Variants in NUP155 observed in about 807,000 individuals in gnomAD.
The protein encoded by NUP155 is nuclear pore complex protein Nup155.
Under a neutral mutation model 180.4 loss-of-function variants are expected in NUP155, and 71 were observed. The ratio of observed to expected loss-of-function variants is 0.39; its 90% CI spans 0.33 to 0.48. The LOEUF (loss-of-function observed/expected upper bound fraction) is 0.48. Ranked by LOEUF, NUP155 falls within the 20% of genes least tolerant of loss-of-function variation. The pLI is 0.91. For missense variants in NUP155, 1,553 were observed against 1,648.9 expected, an observed-to-expected ratio of 0.94 and a Z score of 1.01; for synonymous variants, 582 against 559.5, an observed-to-expected ratio of 1.04 and a Z score of -0.57.
intron 20 of NUP155, among the ~76,000 whole-genome samples, chr5:37,320,650 G>A (rs1164201222): frequency 6.6e-6 from 1 of 152,084 alleles, no homozygotes; most frequent in African/African-American, 2.4e-5. Flanking sequence ...GCTAAAAACT[G>A]TAAAGATAAA....
rs1470317788 is a variant in NUP155 at position 37,295,283 on chromosome 5, G to A, written c.3794-818C>T. Among the ~76,000 whole-genome samples the A allele has an allele frequency of 3.3e-5, 5 of 152,170 alleles. No homozygotes were observed. In the South Asian group the frequency reaches 6.2e-4, roughly 19 times the overall value. ...GGGCTGGTCTCCAGCTCCTAACCGCGAGTGATCCGCCAGCCTCGGCCTCCA... is the reference window on the plus strand; with the variant it reads ...GGGCTGGTCTCCAGCTCCTAACCGCAAGTGATCCGCCAGCCTCGGCCTCCA... On this transcript the variant is annotated intron_variant, in intron 32 of 34. Coordinates refer to ENST00000231498, the MANE Select transcript of NUP155 (RefSeq NM_153485.3).
chr5:37,350,710 G>C (rs1746397923), intron 6 of NUP155, among the ~76,000 whole-genome samples: 2 of 151,806 alleles, frequency 1.3e-5, no homozygotes, highest in Admixed American at 1.3e-4. Context: ...GGCTGAGGCA[G>C]GAGAACTGCT....
chr5:37,342,517 G>A (rs1319411126), intron 10 of NUP155, 32 bp downstream of exon 10: 1 of 1,303,698 alleles, frequency 7.7e-7, no homozygotes, highest in South Asian at 1.2e-5. Flanking sequence ...AGTTGTAACA[G>A]TAATAGCAGA....
At position 37,328,844 on chromosome 5, in the gene NUP155, C is replaced by T. The variant is rs542815930; in HGVS notation, c.1813+346G>A. ...TAAGCATAAGGAGTTACATTGTCCA[C>T]GATATATGCAAGAATTAGGGACTGA... On this transcript the variant is annotated intron_variant, in intron 16 of 34. Transcript: ENST00000231498. 5.3e-5 allele frequency among the ~76,000 whole-genome samples: 8 copies of T among 152,216 alleles called. No individual in the cohort carries two copies. The South Asian group carries it at 1.7e-3, about 32-fold the overall frequency.
rs1408714314 is a variant in NUP155, at chr5:37,290,149, T to C, written c.*1751A>G. 6.6e-6 allele frequency: 1 copy of C among 152,112 alleles called. No homozygotes were observed. Among genetic ancestry groups the C allele is most frequent in the Non-Finnish European group, 1.5e-5 (1 of 68,026 alleles). The allele number at this position is 152,112 out of a possible 1,614,324, so 9.4% of individuals were successfully genotyped here. ...ATTGTTAGACATGCATCACTTACAA[T>C]AAACAGAAGGTAATTATTTGTGGTA... On this transcript the variant is annotated 3_prime_UTR_variant, in exon 35 of 35. Transcript: ENST00000231498.
At chr5:37,355,557 A>T (rs1332993527) in intron 4 of NUP155, among the ~76,000 whole-genome samples, 1 of 138,056 alleles carries the variant, frequency 7.2e-6, no homozygotes, top group Non-Finnish European at 1.5e-5. Flanking sequence ...GTATATATAT[A>T]TATATTTATT....
Position 37,365,220 on chromosome 5 carries a change from T to C in NUP155, c.158-836A>G, listed in dbSNP as rs932931883. 6.6e-5 allele frequency among the ~76,000 whole-genome samples: 10 copies of C among 151,462 alleles called. 1 individual carries two copies. The highest frequency in any genetic ancestry group is 2.2e-4 in the African/African-American group (9 of 41,306). On this transcript the variant is annotated intron_variant, in intron 1 of 34. Coordinates refer to ENST00000231498, the MANE Select transcript of NUP155 (RefSeq NM_153485.3). ...GTTGCAGTGAGCTGAGATTGTGTCA[T>C]TGCATTCCAGCCTGAGCGACAGGGC...
chr5:37,366,013 A>G (rs1400408302), intron 1 of NUP155, among the ~76,000 whole-genome samples: 1 of 151,958 alleles, frequency 6.6e-6, no homozygotes, highest in Admixed American at 6.6e-5. Context: ...TTTTCCCTTT[A>G]GATTTATCCC....
chr5:37,296,549 C>T (rs563854317), intron 32 of NUP155, among the ~76,000 whole-genome samples: 4 of 138,568 alleles, frequency 2.9e-5, no homozygotes, highest in East Asian at 2.1e-4. Flanking sequence ...ACAAACGCTG[C>T]GGAAGGCAGC....
intron 1 of NUP155, among the ~76,000 whole-genome samples, chr5:37,367,230 GGTTTT>G (rs1350073438): frequency 6.6e-6 from 1 of 151,434 alleles, no homozygotes; most frequent in Non-Finnish European, 1.5e-5. Context: ...TTGTTTTTGG[GGTTTT>G]TTTTTGGGAT....
intron 31 of NUP155, 151 bp from the exon 32 acceptor site, chr5:37,299,129 C>T: frequency 1.4e-6 from 1 of 689,710 alleles, no homozygotes; most frequent in Non-Finnish European, 2.6e-6. Context: ...CTGTTATTGT[C>T]TGAGATACTC....
At chr5:37,347,636 C>T (rs1417051207) in intron 9 of NUP155, among the ~76,000 whole-genome samples, 1 of 144,448 alleles carries the variant, frequency 6.9e-6, no homozygotes, top group East Asian at 2.1e-4. Flanking sequence ...ACAGAGGTTG[C>T]AGTGAGCCGA....
At chr5:37,332,168 C>CAAAAAAA (rs11305356) in intron 13 of NUP155, among the ~76,000 whole-genome samples, 1 of 100,126 alleles carries the variant, frequency 1.0e-5, no homozygotes, top group Non-Finnish European at 2.2e-5. Flanking sequence ...TCAATTTAGG[C>CAAAAAAA]AAAAAAAAAA....
In NUP155 at chr5:37,365,713, GAA is replaced by G. The variant is rs869240751; in HGVS notation, c.158-1331_158-1330del. ...ACAGAGCAAGACTCTGTCTCGGGGAGAAAAAAAAAAAAAAAAAAAAAAAAAAT... is the reference window on the plus strand; with the variant it reads ...ACAGAGCAAGACTCTGTCTCGGGGAGAAAAAAAAAAAAAAAAAAAAAAAAT... On this transcript the variant is annotated intron_variant, in intron 1 of 34. Transcript: ENST00000231498. 2.9e-3 allele frequency among the ~76,000 whole-genome samples: 66 copies of G among 22,616 alleles called. 8 individuals are homozygous for G. The highest frequency in any genetic ancestry group is 6.8e-3 in the Admixed American group (7 of 1,032). 14.8% of individuals were successfully genotyped at this position (22,616 alleles called of 152,430 possible). A position where few individuals can be genotyped will look rare whatever the true frequency, so the allele number is the denominator to read the frequency against.
intron 21 of NUP155, among the ~76,000 whole-genome samples, chr5:37,316,273 A>G (rs1278735307): frequency 6.6e-6 from 1 of 152,236 alleles, no homozygotes; most frequent in East Asian, 1.9e-4. Flanking sequence ...GACACGTTAC[A>G]ACATGGATGA....
At chr5:37,341,034 T>C in intron 11 of NUP155, 56 bp downstream of exon 11, 4 of 1,400,416 alleles carry the variant, frequency 2.9e-6, no homozygotes, top group Non-Finnish European at 4.0e-6. Flanking sequence ...CAACACCATA[T>C]AATTTTAACA....
chr5:37,352,581 T>G lies in NUP155; in HGVS notation c.556+156A>C, dbSNP rs926266409. Among the ~76,000 whole-genome samples, 103 of 152,046 alleles carry G rather than the reference T, an allele frequency of 6.8e-4. 7 individuals carry two copies. The highest frequency in any genetic ancestry group is 1.3e-4 in the Non-Finnish European group (9 of 68,014). ...AAAACAAAACAAAAAACTAACCCAATGTTAACTTGTGGAAAAGAGCCTGAG... is the reference window on the plus strand; with the variant it reads ...AAAACAAAACAAAAAACTAACCCAAGGTTAACTTGTGGAAAAGAGCCTGAG... On this transcript the variant is annotated intron_variant, in intron 5 of 34. Transcript: ENST00000231498.
intron 20 of NUP155, among the ~76,000 whole-genome samples, chr5:37,319,456 G>A (rs1365999084): frequency 6.6e-6 from 1 of 152,176 alleles, no homozygotes; most frequent in Non-Finnish European, 1.5e-5. Flanking sequence ...ATTGTTAAAG[G>A]TAAGGGGGAA....
At chr5:37,327,855 C>A (rs1264759074) in intron 17 of NUP155, 79 bp from the exon 18 acceptor site, 21 of 1,484,756 alleles carry the variant, frequency 1.4e-5, no homozygotes, top group Non-Finnish European at 2.0e-5. Context: ...ATCTTAGAAC[C>A]CATAAATCTC....
Sources: gnomAD v4.1 joint callset for allele counts (sites outside exome capture counted in the v4.1 genomes callset) on GRCh38, gnomAD v4.1.1 for gene constraint, MANE v1.5 for transcripts, NCBI Gene and HGNC (gene_info 2026-07-23, HGNC 2026-07-21) for gene names.